The following RERE variants were observed in gnomAD, a reference collection of about 807,000 sequenced individuals.
RERE encodes arginine-glutamic acid dipeptide repeats protein.
RERE carries 40 observed loss-of-function variants against 146.1 expected under a neutral mutation model. The ratio of observed to expected loss-of-function variants is 0.27; its 90% CI spans 0.21 to 0.36. The LOEUF is 0.36. RERE is among the 10% of genes least tolerant of loss of function. RERE has a pLI of 1.00. For synonymous variants in RERE, 1,003 were observed against 866.0 expected, an observed-to-expected ratio of 1.16 and a Z score of -2.78; for missense variants, 1,933 against 2,138.7, an observed-to-expected ratio of 0.90 and a Z score of 1.90.
At chr1:8,475,696 AAAAAG>A (rs902205635) in intron 10 of RERE, among the ~76,000 whole-genome samples, 6 of 152,158 alleles carry the variant, frequency 3.9e-5, no homozygotes, top group African/African-American at 1.4e-4. Flanking sequence ...AGAAAAAAAA[AAAAAG>A]AAAAGAAAAA....
At chr1:8,812,789 AG>A (rs1226510523) in intron 1 of RERE, among the ~76,000 whole-genome samples, 1 of 152,232 alleles carries the variant, frequency 6.6e-6, no homozygotes, top group Non-Finnish European at 1.5e-5. Flanking sequence ...CCAACAAGTT[AG>A]CTATACAAAT....
intron 4 of RERE, among the ~76,000 whole-genome samples, chr1:8,571,299 A>C (rs993712965): frequency 3.3e-5 from 5 of 152,232 alleles, no homozygotes; most frequent in African/African-American, 1.2e-4. Flanking sequence ...ATTTATGTGA[A>C]TCTAGCAATA....
chr1:8,807,594 G>A (rs565685642), intron 1 of RERE, among the ~76,000 whole-genome samples: 5 of 152,218 alleles, frequency 3.3e-5, no homozygotes, highest in East Asian at 1.9e-4. Context: ...AACACTAATC[G>A]GATTGGGTCA....
intron 12 of RERE, among the ~76,000 whole-genome samples, chr1:8,393,821 T>C (rs965797753): frequency 1.7e-4 from 26 of 152,134 alleles, no homozygotes; most frequent in African/African-American, 6.3e-4. Context: ...AAAAACTATA[T>C]AGAGTTGAAA....
chr1:8,576,154 C>T (rs952014511), intron 4 of RERE, among the ~76,000 whole-genome samples: 1 of 151,860 alleles, frequency 6.6e-6, no homozygotes, highest in Non-Finnish European at 1.5e-5. Context: ...AAACACACAT[C>T]CATTATGTAT....
chr1:8,395,474 C>CAA (rs36088351), intron 12 of RERE, among the ~76,000 whole-genome samples: 5 of 110,178 alleles, frequency 4.5e-5, no homozygotes, highest in Middle Eastern at 4.7e-3. Context: ...GGCTCTGTCT[C>CAA]AAAAAAAAAA....
chr1:8,536,990 C>T (rs1645734650), intron 7 of RERE, among the ~76,000 whole-genome samples: 1 of 151,988 alleles, frequency 6.6e-6, no homozygotes, highest in African/African-American at 2.4e-5. Context: ...ATCGCTGAAG[C>T]CCAGGATTTA....
intron 12 of RERE, among the ~76,000 whole-genome samples, chr1:8,408,834 G>A (rs1338183752): frequency 6.6e-6 from 1 of 152,138 alleles, no homozygotes; most frequent in African/African-American, 2.4e-5. Flanking sequence ...GGGAGGTGGA[G>A]GCTGGGCTTG....
chr1:8,708,267 T>C (rs901317672), intron 1 of RERE, among the ~76,000 whole-genome samples: 6 of 152,158 alleles, frequency 3.9e-5, no homozygotes, highest in Admixed American at 6.5e-5. Flanking sequence ...GTTTTCGTCA[T>C]AGTGGATAAG....
chr1:8,532,881 C>T (rs1006039964), intron 7 of RERE, among the ~76,000 whole-genome samples: 2 of 152,106 alleles, frequency 1.3e-5, no homozygotes, highest in African/African-American at 4.8e-5. Context: ...AGGCATAAGC[C>T]ACTGCCCCTG....
At position 8,497,610 on chromosome 1, in the gene RERE, C is replaced by T. The variant is rs1414172426; in HGVS notation, c.880-81G>A. ...TATCTCAATAAGCAGTCTTTAGGAA[C>T]ATATACAATGTTTTACTGAGACTCT... On this transcript the variant is annotated intron_variant, in intron 8 of 22. Coordinates refer to ENST00000400908, the MANE Select transcript of RERE (RefSeq NM_001042681.2). 6 of 1,476,184 alleles carry T rather than the reference C, an allele frequency of 4.1e-6. No individual in the cohort carries two copies. In the Admixed American group the frequency reaches 1.1e-4, roughly 27 times the overall value. 91.4% of individuals were successfully genotyped at this position (1,476,184 alleles called of 1,614,324 possible). A position where few individuals can be genotyped will look rare whatever the true frequency, so the allele number is the denominator to read the frequency against.
chr1:8,576,997 G>A (rs985831600), intron 4 of RERE, among the ~76,000 whole-genome samples: 8 of 152,002 alleles, frequency 5.3e-5, no homozygotes, highest in East Asian at 1.9e-4. Context: ...GTGAAACCCC[G>A]TCTCTACTAA....
chr1:8,445,808 C>T (rs1644309682), intron 11 of RERE, among the ~76,000 whole-genome samples: 1 of 151,924 alleles, frequency 6.6e-6, no homozygotes, highest in South Asian at 2.1e-4. Context: ...TTTCCTAATG[C>T]TATCCCTCCC....
intron 3 of RERE, among the ~76,000 whole-genome samples, chr1:8,624,098 T>C (rs370090408): frequency 2.6e-5 from 4 of 152,232 alleles, no homozygotes; most frequent in African/African-American, 4.8e-5. Flanking sequence ...AAATATTGTT[T>C]ACAATATAAG....
At chr1:8,581,363 T>A (rs572289938) in intron 4 of RERE, among the ~76,000 whole-genome samples, 2 of 152,222 alleles carry the variant, frequency 1.3e-5, no homozygotes, top group Admixed American at 6.5e-5. Flanking sequence ...GGTATTTTTT[T>A]AAATGTATTC....
At chr1:8,382,068 T>C (rs1211770601) in intron 12 of RERE, among the ~76,000 whole-genome samples, 1 of 152,230 alleles carries the variant, frequency 6.6e-6, no homozygotes, top group Non-Finnish European at 1.5e-5. Flanking sequence ...GGATTAGTAA[T>C]AACACAGGAC....
intron 1 of RERE, among the ~76,000 whole-genome samples, chr1:8,686,550 G>A (rs1349314526): frequency 6.6e-6 from 1 of 152,138 alleles, no homozygotes; most frequent in Non-Finnish European, 1.5e-5. Flanking sequence ...AGGAGTTCAA[G>A]ACCAGCCTGG....
chr1:8,715,332 T>G (rs1639744106), intron 1 of RERE, among the ~76,000 whole-genome samples: 1 of 148,838 alleles, frequency 6.7e-6, no homozygotes, highest in Non-Finnish European at 1.5e-5. Context: ...ACCAACATGG[T>G]GAAACCCCGT....
At chr1:8,388,137 C>T (rs981200385) in intron 12 of RERE, among the ~76,000 whole-genome samples, 8 of 152,264 alleles carry the variant, frequency 5.3e-5, no homozygotes, top group African/African-American at 1.9e-4. Flanking sequence ...ATTTTTCCTC[C>T]ATGACTCCAT....
Sources: allele counts gnomAD v4.1 joint callset (sites outside exome capture counted in the v4.1 genomes callset), GRCh38; gene constraint gnomAD v4.1.1; transcripts MANE v1.5; gene names NCBI Gene and HGNC (gene_info 2026-07-23, HGNC 2026-07-21).